Variants in SLC36A1 observed in about 807,000 individuals in gnomAD.
SLC36A1 encodes solute carrier family 36 member 1, also known as proton-coupled amino acid transporter 1.
In SLC36A1, 30 loss-of-function variants were observed where a neutral mutation model predicts 47.5. The ratio of observed to expected loss-of-function variants is 0.63; its 90% CI spans 0.47 to 0.86. SLC36A1 has a LOEUF of 0.86. Among genes scored for constraint, SLC36A1 ranks in the 40% least tolerant of loss-of-function variants. The pLI is 0.00. For synonymous variants in SLC36A1, 255 were observed against 249.7 expected (o/e 1.02, Z -0.20); for missense variants, 517 against 606.0 (o/e 0.85, Z 1.54).
chr5:151,429,425 A>G, the SLC36A1 span, among the ~76,000 whole-genome samples: 2,530 of 132,970 alleles, frequency 0.019, 76 homozygotes, highest in African/African-American at 0.068. Context: ...TTCAATTCCC[A>G]CCTATGAGTG....
At chr5:151,413,676 T>C in the SLC36A1 span, among the ~76,000 whole-genome samples, 1 of 152,126 alleles carries the variant, frequency 6.6e-6, no homozygotes, top group South Asian at 2.1e-4. Flanking sequence ...ATTGTTTCCT[T>C]TTGTTTAAGA....
the SLC36A1 span, chr5:151,507,243 C>T: frequency 6.2e-7 from 1 of 1,614,020 alleles, no homozygotes; most frequent in African/African-American, 1.3e-5. Flanking sequence ...GGGGGGCACA[C>T]TGCAGACCAC....
chr5:151,352,284 A>G, the SLC36A1 span, among the ~76,000 whole-genome samples: 1 of 151,902 alleles, frequency 6.6e-6, no homozygotes, highest in Non-Finnish European at 1.5e-5. Flanking sequence ...GTGTATCCCC[A>G]TTGTTGTTTA....
the SLC36A1 span, among the ~76,000 whole-genome samples, chr5:151,528,402 C>G: frequency 6.6e-6 from 1 of 152,256 alleles, no homozygotes; most frequent in South Asian, 2.1e-4. Flanking sequence ...AATGAATATG[C>G]CTGCAGGAAG....
the SLC36A1 span, among the ~76,000 whole-genome samples, chr5:151,548,520 G>A: frequency 4.6e-5 from 7 of 151,756 alleles, no homozygotes; most frequent in Non-Finnish European, 8.8e-5. Context: ...TTGCTGTGTC[G>A]CCCAGGCTGG....
the SLC36A1 span, chr5:151,505,343 C>G: frequency 5.0e-6 from 3 of 602,424 alleles, no homozygotes; most frequent in East Asian, 8.5e-5. Flanking sequence ...ATGCCCCTCT[C>G]CTGGGACCCT....
chr5:151,359,225 C>T, the SLC36A1 span, among the ~76,000 whole-genome samples: 1 of 152,164 alleles, frequency 6.6e-6, no homozygotes, highest in Admixed American at 6.5e-5. Flanking sequence ...ACATCCATGC[C>T]TTCCAGAGTC....
chr5:151,347,349 A>G, the SLC36A1 span: 1 of 1,614,228 alleles, frequency 6.2e-7, no homozygotes, highest in Non-Finnish European at 8.5e-7. Flanking sequence ...CTTTCATCCA[A>G]GAATGTAGAG....
At chr5:151,527,914 C>G in the SLC36A1 span, 2 of 1,538,614 alleles carry the variant, frequency 1.3e-6, no homozygotes, top group Non-Finnish European at 1.8e-6. Context: ...GGGGTCTTGA[C>G]AGCGATTCAT....
At chr5:151,419,432 T>G in the SLC36A1 span, among the ~76,000 whole-genome samples, 1 of 152,364 alleles carries the variant, frequency 6.6e-6, no homozygotes, top group South Asian at 2.1e-4. Context: ...GTCTTGATTA[T>G]TGTCCCATGG....
chr5:151,443,310 C>T (rs868565466), upstream of SLC36A1, among the ~76,000 whole-genome samples: 3 of 152,080 alleles, frequency 2.0e-5, no homozygotes, highest in African/African-American at 4.8e-5. Flanking sequence ...TCCCTTTTCT[C>T]GACATCCTCA....
the SLC36A1 span, chr5:151,554,459 A>G: frequency 3.1e-6 from 5 of 1,614,182 alleles, no homozygotes; most frequent in Non-Finnish European, 4.2e-6. Flanking sequence ...GCTGTCCTCG[A>G]TACTGTAGGT....
At chr5:151,534,713 T>C in the SLC36A1 span, 1 of 1,350,660 alleles carries the variant, frequency 7.4e-7, no homozygotes, top group South Asian at 1.3e-5. Context: ...CCTCTATATA[T>C]CTACAGGAGA....
the SLC36A1 span, among the ~76,000 whole-genome samples, chr5:151,394,949 G>A: frequency 6.6e-6 from 1 of 152,224 alleles, no homozygotes; most frequent in Non-Finnish European, 1.5e-5. Flanking sequence ...GGACATTTAA[G>A]TCTGCAGAGG....
At chr5:151,417,580 G>A in the SLC36A1 span, among the ~76,000 whole-genome samples, 1 of 152,160 alleles carries the variant, frequency 6.6e-6, no homozygotes, top group Non-Finnish European at 1.5e-5. Flanking sequence ...AGGGTATCTG[G>A]TGGAAGAAAT....
the SLC36A1 span, among the ~76,000 whole-genome samples, chr5:151,498,133 C>A: frequency 4.0e-5 from 6 of 151,804 alleles, no homozygotes; most frequent in Admixed American, 6.6e-5. Flanking sequence ...TTAGTAGAGA[C>A]GGGGTTTCAC....
the SLC36A1 span, among the ~76,000 whole-genome samples, chr5:151,388,532 G>A: frequency 3.8e-5 from 5 of 130,522 alleles, no homozygotes; most frequent in African/African-American, 1.6e-4. Flanking sequence ...AAAGAACTTT[G>A]GTCTCCACAG....
the SLC36A1 span, chr5:151,534,416 G>T: frequency 6.2e-7 from 1 of 1,605,680 alleles, no homozygotes; most frequent in South Asian, 1.1e-5. Context: ...CACCTTGGTC[G>T]GGATCCCGGG....
chr5:151,518,371 A>ATTATT, the SLC36A1 span, among the ~76,000 whole-genome samples: 2 of 131,110 alleles, frequency 1.5e-5, no homozygotes, highest in African/African-American at 5.8e-5. Flanking sequence ...TAATAATAAT[A>ATTATT]ATAATTTTTA....
Sources: allele counts gnomAD v4.1 joint callset (sites outside exome capture counted in the v4.1 genomes callset), GRCh38; gene constraint gnomAD v4.1.1; transcripts MANE v1.5; gene names NCBI Gene and HGNC (gene_info 2026-07-23, HGNC 2026-07-21).